Variants in PALM3 observed in about 807,000 individuals in gnomAD.
PALM3 encodes the protein paralemmin 3.
Under a neutral mutation model 27.9 loss-of-function variants are expected in PALM3, and 20 were observed. The ratio of observed to expected loss-of-function variants is 0.72; its 90% confidence interval spans 0.50 to 1.04. The LOEUF (loss-of-function observed/expected upper bound fraction) is 1.04, where lower values mean the gene tolerates loss of function less well. PALM3 is among the 50% of genes least tolerant of loss of function. The pLI, the probability that PALM3 is intolerant of heterozygous loss-of-function variation, is 0.00. For missense variants in PALM3, 814 were observed against 869.4 expected, an observed-to-expected ratio of 0.94 and a Z score of 0.80; for synonymous variants, 328 against 352.7, an observed-to-expected ratio of 0.93 and a Z score of 0.79.
At position 14,054,875 on chromosome 19, in the gene PALM3, GCTT is replaced by G; in HGVS notation, c.794_796del (p.Glu265del). 6.5e-7 allele frequency: 1 copy of G among 1,549,220 alleles called. No individual in the cohort carries two copies. Among genetic ancestry groups the G allele is most frequent in the Non-Finnish European group, 8.7e-7 (1 of 1,146,728 alleles). On this transcript the variant is annotated inframe_deletion, in exon 7 of 7. Coordinates refer to ENST00000669674, the MANE Select transcript of PALM3 (RefSeq NM_001145028.2). The stretch of plus-strand genomic sequence containing the variant: ...ACCAGCTCCCTTCCTGTCTCCGATG[GCTT>G]CCAGCACCACTTCCTCCACCTTAGC...
chr19:14,059,101 A>G lies in PALM3; in HGVS notation c.90+14T>C. On this transcript the variant is annotated intron_variant, in intron 2 of 6. Coordinates refer to ENST00000669674, the MANE Select transcript of PALM3 (RefSeq NM_001145028.2). ...GTTTGGGGGTGCCCAGGGCGCGGGG[A>G]GGGCGTCACTTACAGCGATGACTTC... The G allele has an allele frequency of 6.9e-7, 1 of 1,452,906 alleles. No individual in the cohort carries two copies. Among genetic ancestry groups the G allele is most frequent in the Non-Finnish European group, 9.1e-7 (1 of 1,103,216 alleles). The allele number at this position is 1,452,906 out of a possible 1,614,324, so 90.0% of individuals were successfully genotyped here.
rs1444866392 is a variant in PALM3, at chr19:14,054,070, T to C, written c.1602A>G (p.Lys534=). The part of the protein sequence containing the change: ...KGGEETLEAE[K]RGGEESLETE... ...TCTCCAATGATTCCTCACCTCCCCT[T>C]TTCTCTGCCTCCAGTGTCTCCTCCC... Residue 534 remains lysine, a synonymous_variant, in exon 7 of 7, where the codon AAA becomes AAG. Coordinates refer to ENST00000669674, the MANE Select transcript of PALM3 (RefSeq NM_001145028.2). The C allele has an allele frequency of 6.4e-7, 1 of 1,551,462 alleles. No homozygotes were observed. Among genetic ancestry groups the C allele is most frequent in the Admixed American group, 2.0e-5 (1 of 50,930 alleles).
rs888453247 is a variant in PALM3 at position 14,053,497 on chromosome 19, G to A, written c.*108C>T. 1 of 1,295,092 alleles carries A rather than the reference G, an allele frequency of 7.7e-7. No individual in the cohort carries two copies. Among genetic ancestry groups the A allele is most frequent in the East Asian group, 2.7e-5 (1 of 36,408 alleles). 80.2% of individuals were successfully genotyped at this position (1,295,092 alleles called of 1,614,324 possible). A position where few individuals can be genotyped will look rare whatever the true frequency, so the allele number is the denominator to read the frequency against. On this transcript the variant is annotated 3_prime_UTR_variant, in exon 7 of 7. Coordinates refer to ENST00000669674, the MANE Select transcript of PALM3 (RefSeq NM_001145028.2). Reference sequence around the variant, plus strand: ...CGTGCAGGCTAGCTGGCTCCCAGGTGCCATGGCCAGTCCTGTGGTCCCTGT... The same window carrying A: ...CGTGCAGGCTAGCTGGCTCCCAGGTACCATGGCCAGTCCTGTGGTCCCTGT...
Position 14,053,623 on chromosome 19 carries a change from C to T in PALM3, c.2049G>A (p.Gln683=), listed in dbSNP as rs188490672. Residue 683 remains glutamine (Q), a synonymous_variant, in exon 7 of 7, where the codon CAG becomes CAA. Transcript: ENST00000669674. ...EASGPKQKTC[Q]CCAVM is the part of the protein sequence containing the mutation. ...CATGGGTTCACATGACCGCACAACA[C>T]TGGCACGTCTTTTGCTTAGGGCCAC... is the stretch of plus-strand genomic sequence containing the variant. 3.6e-5 allele frequency: 53 copies of T among 1,459,590 alleles called. No individual in the cohort carries two copies. The highest frequency in any genetic ancestry group is 4.6e-5 in the Non-Finnish European group (51 of 1,104,626). 90.4% of individuals were successfully genotyped at this position (1,459,590 alleles called of 1,614,324 possible). A position where few individuals can be genotyped will look rare whatever the true frequency, so the allele number is the denominator to read the frequency against.
chr19:14,058,447 G>T (rs966135980), intron 2 of PALM3, among the ~76,000 whole-genome samples: 5 of 149,664 alleles, frequency 3.3e-5, no homozygotes, highest in African/African-American at 1.2e-4. Flanking sequence ...AGCCATGGGG[G>T]TCCGGAGAGA....
chr19:14,053,830 T>C lies in PALM3; in HGVS notation c.1842A>G (p.Gln614=), dbSNP rs2070320609. The change falls in exon 7 of 7, where the codon CAA becomes CAG. Residue 614 remains glutamine (Q), a synonymous_variant. Coordinates refer to ENST00000669674, the MANE Select transcript of PALM3 (RefSeq NM_001145028.2). The stretch of plus-strand genomic sequence containing the variant: ...GAGGTGTGGCATCCCCCAAGGGGCC[T>C]TGGCCCTCAGCAGCGGTTTGGGGCT... ...GVKPQTAAEG[Q]GPLGDATPLL... 1.3e-6 allele frequency: 2 copies of C among 1,550,618 alleles called. No homozygotes were observed. Among genetic ancestry groups the C allele is most frequent in the South Asian group, 1.2e-5 (1 of 83,994 alleles).
At chr19:14,058,294 G>T (rs925482197) in intron 2 of PALM3, among the ~76,000 whole-genome samples, 2 of 150,708 alleles carry the variant, frequency 1.3e-5, no homozygotes, top group African/African-American at 4.9e-5. Context: ...GTGGGGTGCA[G>T]ATAGGTGGGG....
chr19:14,060,654 A>G (rs531705017), intron 1 of PALM3, among the ~76,000 whole-genome samples: 19 of 152,256 alleles, frequency 1.2e-4, no homozygotes, highest in African/African-American at 4.3e-4. Flanking sequence ...AATACTGAGA[A>G]CACAGCTGGC....
rs1346449237 is a variant in PALM3, at chr19:14,057,356, G to C, written c.166C>G (p.Leu56Val). ...CGCCCCCGCCCGCCCCCAACCTTGA[G>C]ACGCTCCACGCGGAGTTTCTCCTCC... Reference protein sequence around the residue: ...VEEEKLRVERLKRKSLRERWL... With the variant: ...VEEEKLRVERVKRKSLRERWL... Residue 56 changes from leucine to valine, a missense_variant, in exon 3 of 7, where the codon CTC (leucine) becomes GTC (valine). Transcript: ENST00000669674. 4 of 1,543,844 alleles carry C rather than the reference G, an allele frequency of 2.6e-6. No homozygotes were observed. In the East Asian group the frequency reaches 9.9e-5, roughly 38 times the overall value.
chr19:14,054,809 A>G lies in PALM3; in HGVS notation c.863T>C (p.Ile288Thr). The change falls in exon 7 of 7, where the codon ATC becomes ACC. Residue 288 changes from isoleucine (I) to threonine (T), a missense_variant. Coordinates refer to ENST00000669674, the MANE Select transcript of PALM3 (RefSeq NM_001145028.2). ...CACCCCCTCCCAGACCACCTCCACG[A>G]TGCCCCTGTCCTCCTTCACCCAGGC... Reference protein sequence around the residue: ...LPAWVKEDRGIVEVVWEGVGG... With the variant: ...LPAWVKEDRGTVEVVWEGVGG... 1 of 1,548,118 alleles carries G rather than the reference A, an allele frequency of 6.5e-7. No homozygotes were observed. Among genetic ancestry groups the G allele is most frequent in the Non-Finnish European group, 8.7e-7 (1 of 1,145,462 alleles).
At position 14,058,023 on chromosome 19, in the gene PALM3, T is replaced by C. The variant is rs1599309859; in HGVS notation, c.91-592A>G. ...CCGGGGAGGCTGAGGCGGGAGAATC[T>C]CTTGAACTCGGGAGGCGCAGGTTGC... On this transcript the variant is annotated intron_variant, in intron 2 of 6. Transcript: ENST00000669674. Among the ~76,000 whole-genome samples the C allele has an allele frequency of 3.3e-5, 5 of 152,052 alleles. 1 individual carries two copies. Among genetic ancestry groups the C allele is most frequent in the African/African-American group, 1.2e-4 (5 of 41,468 alleles).
At position 14,059,104 on chromosome 19, in the gene PALM3, GC is replaced by G; in HGVS notation, c.90+10del. The G allele has an allele frequency of 9.6e-6, 14 of 1,453,640 alleles. No individual in the cohort carries two copies. Among genetic ancestry groups the G allele is most frequent in the Non-Finnish European group, 1.2e-5 (13 of 1,103,502 alleles). The allele number at this position is 1,453,640 out of a possible 1,614,324, so 90.0% of individuals were successfully genotyped here. A position where few individuals can be genotyped will look rare whatever the true frequency, so the allele number is the denominator to read the frequency against. On this transcript the variant is annotated intron_variant, in intron 2 of 6. Transcript: ENST00000669674. ...TGGGGGTGCCCAGGGCGCGGGGAGGGCGTCACTTACAGCGATGACTTCTAGC... is the reference window on the plus strand; with the variant it reads ...TGGGGGTGCCCAGGGCGCGGGGAGGGGTCACTTACAGCGATGACTTCTAGC...
At chr19:14,056,279 C>G in intron 5 of PALM3, 150 bp downstream of exon 5, 2 of 807,940 alleles carry the variant, frequency 2.5e-6, no homozygotes, top group Non-Finnish European at 4.0e-6. Flanking sequence ...CTTGCCAAGA[C>G]CACAGAGCAA....
intron 5 of PALM3, among the ~76,000 whole-genome samples, chr19:14,056,063 C>A (rs1217925855): frequency 6.6e-6 from 1 of 152,206 alleles, no homozygotes; most frequent in Non-Finnish European, 1.5e-5. Context: ...GACACACCAC[C>A]ATACCGAGCT....
intron 1 of PALM3, among the ~76,000 whole-genome samples, chr19:14,060,505 C>T (rs1342985091): frequency 6.6e-6 from 1 of 152,082 alleles, no homozygotes. Flanking sequence ...ATGTAATTCA[C>T]TGAATCCTCC....
intron 1 of PALM3, among the ~76,000 whole-genome samples, 153 bp downstream of exon 1, chr19:14,061,787 T>C (rs1211158875): frequency 1.3e-5 from 2 of 151,998 alleles, no homozygotes; most frequent in Non-Finnish European, 2.9e-5. Flanking sequence ...GTGACACTGA[T>C]GAGCCTATGG....
intron 3 of PALM3, 54 bp from the exon 4 acceptor site, chr19:14,056,858 A>G: frequency 4.0e-6 from 6 of 1,485,610 alleles, no homozygotes; most frequent in Non-Finnish European, 5.4e-6. Flanking sequence ...CGGTCCATGT[A>G]AAGTCCCCTC....
At chr19:14,061,587 T>A (rs939041245) in intron 1 of PALM3, among the ~76,000 whole-genome samples, 5 of 152,260 alleles carry the variant, frequency 3.3e-5, no homozygotes, top group African/African-American at 1.2e-4. Context: ...TTCTCCCACC[T>A]TGGACACTGA....
intron 2 of PALM3, among the ~76,000 whole-genome samples, chr19:14,058,379 C>A: frequency 9.4e-6 from 1 of 106,270 alleles, no homozygotes; most frequent in Admixed American, 1.1e-4. Context: ...GATGGGGTTC[C>A]ATAGATGGGG....
Sources: gnomAD v4.1 joint callset for allele counts (sites outside exome capture counted in the v4.1 genomes callset) on GRCh38, gnomAD v4.1.1 for gene constraint, MANE v1.5 for transcripts, NCBI Gene and HGNC (gene_info 2026-07-23, HGNC 2026-07-21) for gene names.